The following PSD3 variants were observed in gnomAD, a reference collection of about 807,000 sequenced individuals.
PSD3 encodes the protein PH and SEC7 domain-containing protein 3.
A neutral mutation model predicts 105.5 loss-of-function variants in PSD3; 49 were observed. The ratio of observed to expected loss-of-function variants is 0.46; its 90% CI spans 0.37 to 0.59. PSD3 has a LOEUF of 0.59. Among genes scored for constraint, PSD3 ranks in the 20% least tolerant of loss-of-function variants. The pLI, the probability that PSD3 is intolerant of heterozygous loss-of-function variation, is 0.00. For missense variants in PSD3, 1,561 were observed against 1,263.8 expected, an observed-to-expected ratio of 1.24 and a Z score of -3.57; for synonymous variants, 557 against 457.8, an observed-to-expected ratio of 1.22 and a Z score of -2.77.
chr8:18,543,257 CT>C (rs1800249125), intron 15 of PSD3, among the ~76,000 whole-genome samples: 1 of 151,992 alleles, frequency 6.6e-6, no homozygotes, highest in African/African-American at 2.4e-5. Flanking sequence ...TGTGTAACCC[CT>C]CCTTATTACA....
At chr8:18,777,770 A>G (rs1808236742) in intron 8 of PSD3, among the ~76,000 whole-genome samples, 1 of 152,078 alleles carries the variant, frequency 6.6e-6, no homozygotes, top group Non-Finnish European at 1.5e-5. Flanking sequence ...CCTTCTAACT[A>G]TATGTTTCCA....
chr8:18,834,753 G>T (rs1207287374), intron 4 of PSD3, among the ~76,000 whole-genome samples: 2 of 152,172 alleles, frequency 1.3e-5, no homozygotes, highest in Non-Finnish European at 2.9e-5. Context: ...AGGGAGAGTA[G>T]AGATGGCAGA....
chr8:18,593,120 A>C (rs571760672), intron 12 of PSD3, among the ~76,000 whole-genome samples: 2 of 152,330 alleles, frequency 1.3e-5, no homozygotes, highest in African/African-American at 2.4e-5. Context: ...AAAATTGACA[A>C]ATGGGATCTA....
At chr8:18,713,665 T>C (rs1033015915) in intron 9 of PSD3, among the ~76,000 whole-genome samples, 4 of 152,222 alleles carry the variant, frequency 2.6e-5, no homozygotes, top group Admixed American at 6.5e-5. Flanking sequence ...TCTATGCTCA[T>C]GGATAGTAAG....
At chr8:18,716,325 G>C (rs1802592932) in intron 9 of PSD3, among the ~76,000 whole-genome samples, 1 of 152,186 alleles carries the variant, frequency 6.6e-6, no homozygotes, top group African/African-American at 2.4e-5. Flanking sequence ...TGAGCAGCAA[G>C]AGGAGAGGGA....
intron 9 of PSD3, among the ~76,000 whole-genome samples, chr8:18,721,835 G>A (rs1802994701): frequency 6.6e-6 from 1 of 152,094 alleles, no homozygotes; most frequent in African/African-American, 2.4e-5. Context: ...ATGTGTTGAT[G>A]TTCAAAATGT....
In PSD3 at chr8:18,531,081, G is replaced by A. The variant is rs1051915675; in HGVS notation, c.*4662C>T. The A allele has an allele frequency of 2.0e-5, 3 of 152,356 alleles. No individual in the cohort carries two copies. The highest frequency in any genetic ancestry group is 7.2e-5 in the African/African-American group (3 of 41,394). 9.4% of individuals were successfully genotyped at this position (152,356 alleles called of 1,614,324 possible). A position where few individuals can be genotyped will look rare whatever the true frequency, so the allele number is the denominator to read the frequency against. On this transcript the variant is annotated 3_prime_UTR_variant, in exon 16 of 16. Transcript: ENST00000327040. ...ATAAATACCCACAAATACAACAATG[G>A]CAGGTGACAGCATTTTCTTTGATGA...
intron 9 of PSD3, among the ~76,000 whole-genome samples, chr8:18,718,552 A>G (rs1802745106): frequency 6.6e-6 from 1 of 152,238 alleles, no homozygotes; most frequent in Non-Finnish European, 1.5e-5. Context: ...AACTTTACAG[A>G]TTTGCTAAAA....
At chr8:18,879,563 A>C (rs938670666) in intron 2 of PSD3, among the ~76,000 whole-genome samples, 3 of 152,126 alleles carry the variant, frequency 2.0e-5, no homozygotes, top group African/African-American at 7.2e-5. Flanking sequence ...AGGGACACTG[A>C]ACCGTGAGAG....
At chr8:18,550,470 T>C (rs1800693523) in intron 15 of PSD3, among the ~76,000 whole-genome samples, 1 of 152,202 alleles carries the variant, frequency 6.6e-6, no homozygotes. Flanking sequence ...CAGAATCTCT[T>C]TGACTTGCAA....
intron 6 of PSD3, chr8:18,802,393 T>C (rs1171797179): frequency 3.3e-5 from 14 of 420,610 alleles, no homozygotes; most frequent in Non-Finnish European, 4.8e-6. Flanking sequence ...TCATTCAAAA[T>C]GTCTAAGAAA....
chr8:18,611,190 G>A (rs1237356130), intron 11 of PSD3, among the ~76,000 whole-genome samples: 2 of 149,830 alleles, frequency 1.3e-5, no homozygotes, highest in South Asian at 4.2e-4. Context: ...TTCTGCTTAT[G>A]AATAGGATTT....
At chr8:18,605,268 A>T (rs1157015423) in intron 11 of PSD3, among the ~76,000 whole-genome samples, 1 of 152,034 alleles carries the variant, frequency 6.6e-6, no homozygotes, top group African/African-American at 2.4e-5. Flanking sequence ...TACCCCTCAT[A>T]CCAGTGTGCC....
intron 4 of PSD3, among the ~76,000 whole-genome samples, chr8:18,824,342 C>T (rs1186807853): frequency 6.6e-6 from 1 of 152,152 alleles, no homozygotes; most frequent in African/African-American, 2.4e-5. Flanking sequence ...AGGAAGGCAA[C>T]ATGGTGAAGA....
At chr8:18,903,546 A>G (rs1461820752) in intron 2 of PSD3, among the ~76,000 whole-genome samples, 1 of 152,086 alleles carries the variant, frequency 6.6e-6, no homozygotes, top group African/African-American at 2.4e-5. Flanking sequence ...AGGATACAAG[A>G]GCTGTTTGGT....
At chr8:19,004,632 A>G (rs2129474751) in intron 1 of PSD3, among the ~76,000 whole-genome samples, 1 of 152,246 alleles carries the variant, frequency 6.6e-6, no homozygotes, top group South Asian at 2.1e-4. Context: ...AAGGATCTGA[A>G]TAGACACTTC....
At chr8:18,925,218 C>G (rs1188626317) in intron 2 of PSD3, among the ~76,000 whole-genome samples, 4 of 152,138 alleles carry the variant, frequency 2.6e-5, no homozygotes, top group African/African-American at 9.7e-5. Context: ...CAAACCCCAT[C>G]TCTACAAAAC....
intron 14 of PSD3, among the ~76,000 whole-genome samples, chr8:18,565,419 C>T (rs1184811309): frequency 3.3e-5 from 5 of 152,108 alleles, no homozygotes; most frequent in Non-Finnish European, 5.9e-5. Context: ...GCGACTCCTC[C>T]TACACAGCAG....
intron 10 of PSD3, among the ~76,000 whole-genome samples, chr8:18,649,639 T>C (rs1808322044): frequency 6.6e-6 from 1 of 152,162 alleles, no homozygotes; most frequent in South Asian, 2.1e-4. Flanking sequence ...CATGAGATTT[T>C]AGAGGCGCCA....
Sources: allele counts gnomAD v4.1 joint callset (sites outside exome capture counted in the v4.1 genomes callset), GRCh38; gene constraint gnomAD v4.1.1; transcripts MANE v1.5; gene names NCBI Gene and HGNC (gene_info 2026-07-23, HGNC 2026-07-21).